The following NFASC variants were observed in gnomAD, a reference collection of about 807,000 sequenced individuals.
NFASC encodes the protein neurofascin.
NFASC carries 43 observed loss-of-function variants against 147.5 expected under a neutral mutation model. The observed-to-expected ratio is 0.29, with a 90% CI of 0.23 to 0.38. NFASC has a LOEUF of 0.38. NFASC is among the 10% of genes least tolerant of loss of function. The probability of loss-of-function intolerance (pLI) is 1.00; values close to 1 mark genes in which losing one functional copy is unlikely to be tolerated. For synonymous variants in NFASC, 622 were observed against 665.5 expected (o/e 0.93, Z 1.01); for missense variants, 1,320 against 1,689.0 (o/e 0.78, Z 3.83).
intron 1 of NFASC, among the ~76,000 whole-genome samples, chr1:204,895,727 T>C (rs1167289443): frequency 2.6e-5 from 4 of 152,256 alleles, no homozygotes; most frequent in African/African-American, 9.6e-5. Context: ...TGAGGCATTA[T>C]TTGAATACCA....
chr1:204,843,390 G>A (rs762580574), intron 1 of NFASC, among the ~76,000 whole-genome samples: 2 of 152,124 alleles, frequency 1.3e-5, no homozygotes, highest in Non-Finnish European at 1.5e-5. Context: ...TTGCAAAATC[G>A]TAGTACACTC....
At chr1:204,932,603 A>G (rs1052271198) in intron 2 of NFASC, among the ~76,000 whole-genome samples, 2 of 152,210 alleles carry the variant, frequency 1.3e-5, no homozygotes, top group East Asian at 3.8e-4. Context: ...GGTCCAGACC[A>G]ATATCTGCCT....
intron 1 of NFASC, among the ~76,000 whole-genome samples, chr1:204,852,009 G>GC (rs1374731652): frequency 6.6e-6 from 1 of 152,140 alleles, no homozygotes; most frequent in Non-Finnish European, 1.5e-5. Flanking sequence ...GATGTAATGT[G>GC]CCCCCCATGC....
rs1006221554 is a variant in NFASC at position 204,973,127 on chromosome 1, T to G, written c.1136-149T>G. The G allele has an allele frequency of 1.2e-4, 91 of 762,134 alleles. 2 individuals are homozygous for G. The South Asian group carries it at 1.5e-3, about 12-fold the overall frequency. 47.2% of individuals were successfully genotyped at this position (762,134 alleles called of 1,614,324 possible). A position where few individuals can be genotyped will look rare whatever the true frequency, so the allele number is the denominator to read the frequency against. ...CTCAAGGTCACACACAGCCCAGCAGTGGCAAGGCCAGAAGCCCTGTCATCT... is the reference window on the plus strand; with the variant it reads ...CTCAAGGTCACACACAGCCCAGCAGGGGCAAGGCCAGAAGCCCTGTCATCT... On this transcript the variant is annotated intron_variant, in intron 11 of 29. Transcript: ENST00000339876.
chr1:204,990,535 T>C (rs1574223664), intron 23 of NFASC: 1 of 123,486 alleles, frequency 8.1e-6, no homozygotes, highest in East Asian at 2.3e-4. Context: ...TGCAGAAAAT[T>C]CAAGAATTTC....
At position 204,952,132 on chromosome 1, in the gene NFASC, A is replaced by G. The variant is rs1036564553; in HGVS notation, c.215+16A>G. 2.5e-6 allele frequency: 4 copies of G among 1,585,878 alleles called. No individual in the cohort carries two copies. The African/African-American group carries it at 5.4e-5, about 21-fold the overall frequency. On this transcript the variant is annotated intron_variant, in intron 5 of 29. Transcript: ENST00000339876. ...CTGCCCCCAGGTGAGTGAAGGGGAA[A>G]AAGAGTGCATTGAAACCACCCGCTT... is the stretch of plus-strand genomic sequence containing the variant.
At chr1:204,875,411 A>G (rs2078583366) in intron 1 of NFASC, among the ~76,000 whole-genome samples, 1 of 152,174 alleles carries the variant, frequency 6.6e-6, no homozygotes, top group African/African-American at 2.4e-5. Context: ...GCCTCCCAGA[A>G]GTCACATGTG....
At chr1:204,991,443 C>A (rs1054768760) in intron 24 of NFASC, 137 bp downstream of exon 24, 6 of 922,376 alleles carry the variant, frequency 6.5e-6, no homozygotes, top group Admixed American at 2.1e-5. Flanking sequence ...GGTTGGGAAG[C>A]CAGACTGTCA....
chr1:205,001,360 T>G, intron 26 of NFASC, 74 bp downstream of exon 26: 1 of 906,848 alleles, frequency 1.1e-6, no homozygotes, highest in Non-Finnish European at 1.8e-6. Context: ...TAGATGCCAT[T>G]AAAGAGCTCC....
chr1:204,924,366 T>C (rs1573096261), intron 2 of NFASC, among the ~76,000 whole-genome samples: 1 of 152,242 alleles, frequency 6.6e-6, no homozygotes, highest in Non-Finnish European at 1.5e-5. Flanking sequence ...CTCCCGCTTA[T>C]CACATCAGAC....
chr1:204,960,799 G>A (rs543856568), intron 8 of NFASC, among the ~76,000 whole-genome samples: 1 of 152,158 alleles, frequency 6.6e-6, no homozygotes, highest in Non-Finnish European at 1.5e-5. Flanking sequence ...AGCTCCAGAT[G>A]GACCCAAGCA....
rs757583026 is a variant in NFASC at position 204,979,484 on chromosome 1, C to T, written c.2101C>T (p.Arg701Cys). ...RLSPYVNYQF[R>C]VIAINEVGSS... is the part of the protein sequence containing the mutation. The stretch of plus-strand genomic sequence containing the variant: ...GTCCCCGTATGTCAACTACCAGTTC[C>T]GTGTCATTGCCATCAACGAGGTTGG... The change falls in exon 19 of 30, where the codon CGT (arginine) becomes TGT (cysteine). Residue 701 changes from arginine (R) to cysteine (C), a missense_variant. Physicochemically the swap from Arg to Cys is radical, Grantham distance 180. Transcript: ENST00000339876. The surrounding 1 kb of genome is among the most constrained non-coding windows in gnomAD (Gnocchi z 6.0). The T allele has an allele frequency of 1.9e-6, 3 of 1,613,820 alleles. No homozygotes were observed. Among genetic ancestry groups the T allele is most frequent in the Admixed American group, 1.7e-5 (1 of 60,008 alleles).
At chr1:204,948,998 T>A (rs2093955289) in intron 3 of NFASC, among the ~76,000 whole-genome samples, 1 of 152,222 alleles carries the variant, frequency 6.6e-6, no homozygotes, top group Non-Finnish European at 1.5e-5. Flanking sequence ...GAAGATGCTG[T>A]GGAGACGAGC....
rs141366158 is a variant in NFASC, at chr1:204,980,314, A to C, written c.2177-56A>C. 68 of 1,417,712 alleles carry C rather than the reference A, an allele frequency of 4.8e-5. No homozygotes were observed. In the African/African-American group the frequency reaches 8.8e-4, roughly 18 times the overall value. 87.8% of individuals were successfully genotyped at this position (1,417,712 alleles called of 1,614,324 possible). A position where few individuals can be genotyped will look rare whatever the true frequency, so the allele number is the denominator to read the frequency against. On this transcript the variant is annotated intron_variant, in intron 19 of 29. Coordinates refer to ENST00000339876, the MANE Select transcript of NFASC (RefSeq NM_001005388.3). ...CAGGTAGGACAGAGGAAGGTTCCTTACCTTGCCCTGGAAAGGCACAAATTG... is the reference window on the plus strand; with the variant it reads ...CAGGTAGGACAGAGGAAGGTTCCTTCCCTTGCCCTGGAAAGGCACAAATTG...
At chr1:204,874,780 A>T (rs2078426782) in intron 1 of NFASC, among the ~76,000 whole-genome samples, 1 of 152,182 alleles carries the variant, frequency 6.6e-6, no homozygotes, top group South Asian at 2.1e-4. Flanking sequence ...CCGGTGATAG[A>T]GTCAGCCCCA....
intron 1 of NFASC, among the ~76,000 whole-genome samples, chr1:204,893,064 T>C (rs2082707037): frequency 6.6e-6 from 1 of 152,212 alleles, no homozygotes; most frequent in Admixed American, 6.5e-5. Flanking sequence ...GAAGCAAGAA[T>C]GTAAGGGATA....
chr1:204,978,964 C>G lies in NFASC; in HGVS notation c.1877-4C>G, dbSNP rs2095463611. 6.4e-7 allele frequency: 1 copy of G among 1,550,752 alleles called. No individual in the cohort carries two copies. The highest frequency in any genetic ancestry group is 8.7e-7 in the Non-Finnish European group (1 of 1,146,630). ...GAGGCCTGCGTGGTGTCTTCTGCCA[C>G]CAGGACGGCCAGACCGGCCCCGGGA... On this transcript the variant is annotated splice_region_variant and splice_polypyrimidine_tract_variant and intron_variant, in intron 17 of 29. Transcript: ENST00000339876.
At chr1:204,838,119 C>T (rs762945718) in intron 1 of NFASC, among the ~76,000 whole-genome samples, 1 of 152,208 alleles carries the variant, frequency 6.6e-6, no homozygotes, top group Non-Finnish European at 1.5e-5. Flanking sequence ...TATATTAGTG[C>T]TGTCCAATAG....
intron 21 of NFASC, among the ~76,000 whole-genome samples, chr1:204,983,058 G>A (rs2095539587): frequency 6.6e-6 from 1 of 152,210 alleles, no homozygotes; most frequent in Admixed American, 6.5e-5. Flanking sequence ...CTTCAGACAG[G>A]AGCCCGATGG....
Sources: allele counts gnomAD v4.1 joint callset (sites outside exome capture counted in the v4.1 genomes callset), GRCh38; gene constraint gnomAD v4.1.1; non-coding constraint Gnocchi (gnomAD v3.1); transcripts MANE v1.5; gene names NCBI Gene and HGNC (gene_info 2026-07-23, HGNC 2026-07-21).